The following ADAM22 variants were observed in gnomAD, a reference collection of about 807,000 sequenced individuals.
ADAM22 encodes the protein ADAM metallopeptidase domain 22, also known as disintegrin and metalloproteinase domain-containing protein 22.
In ADAM22, 65 loss-of-function variants were observed where a neutral mutation model predicts 144.6. That is an observed-to-expected ratio of 0.45 (90% CI 0.37 to 0.55). The LOEUF is 0.55. ADAM22 is among the 20% of genes least tolerant of loss of function. ADAM22 has a pLI of 0.00. For missense variants in ADAM22, 974 were observed against 1,184.9 expected (o/e 0.82, Z 2.61); for synonymous variants, 391 against 412.6 (o/e 0.95, Z 0.63).
chr7:87,969,363 G>A (rs1405596121), intron 2 of ADAM22, among the ~76,000 whole-genome samples: 1 of 152,046 alleles, frequency 6.6e-6, no homozygotes, highest in Non-Finnish European at 1.5e-5. Flanking sequence ...TGCATTCCTC[G>A]GTATCCCTAC....
rs531995119 is a variant in ADAM22 at position 88,105,074 on chromosome 7, TATAAC to T, written c.391-3099_391-3095del. Among the ~76,000 whole-genome samples, 358 of 152,346 alleles carry T rather than the reference TATAAC, an allele frequency of 2.3e-3. 2 individuals carry two copies. The highest frequency in any genetic ancestry group is 8.1e-3 in the African/African-American group (336 of 41,586). On this transcript the variant is annotated intron_variant, in intron 4 of 31. Transcript: ENST00000413139. ...ATTATTTGTCCTTTTTATGATTTAA[TATAAC>T]ATGTTTCCAGAGTTGCGTTTTTGAA...
intron 3 of ADAM22, among the ~76,000 whole-genome samples, chr7:87,990,645 G>T (rs150163350): frequency 1.3e-4 from 20 of 151,860 alleles, no homozygotes; most frequent in African/African-American, 4.6e-4. Flanking sequence ...TAAACAAAAG[G>T]TACATTTATT....
At chr7:88,079,392 A>C (rs1469837558) in intron 4 of ADAM22, among the ~76,000 whole-genome samples, 1 of 152,252 alleles carries the variant, frequency 6.6e-6, no homozygotes, top group African/African-American at 2.4e-5. Flanking sequence ...CTGCAAAAAC[A>C]TGCCAAATTG....
At position 88,168,218 on chromosome 7, in the gene ADAM22, G is replaced by A; in HGVS notation, c.2273G>A (p.Trp758Ter). The change falls in exon 25 of 32, where the codon TGG (tryptophan) becomes TAG (stop). Residue 758 changes from tryptophan to a stop codon, truncating the protein, a stop_gained. Coordinates refer to ENST00000413139, the MANE Select transcript of ADAM22 (RefSeq NM_001324418.2). LOFTEE classifies it high-confidence loss of function. ...GCCCTCATATTAGGAATAACTGCGT[G>A]GGGTTATAAGTAAGTGAAATGTCTC... ...VLALILGITA[W>*]GYKNYREQRQ... 1 of 1,612,648 alleles carries A rather than the reference G, an allele frequency of 6.2e-7. No individual in the cohort carries two copies. The highest frequency in any genetic ancestry group is 8.5e-7 in the Non-Finnish European group (1 of 1,179,092).
At chr7:88,057,083 G>A (rs540579554) in intron 3 of ADAM22, among the ~76,000 whole-genome samples, 9 of 152,068 alleles carry the variant, frequency 5.9e-5, no homozygotes, top group Admixed American at 3.3e-4. Context: ...TTGAGGGTAG[G>A]GCAGGTAGGA....
intron 3 of ADAM22, among the ~76,000 whole-genome samples, chr7:88,026,027 T>C (rs1187288831): frequency 2.0e-5 from 3 of 152,206 alleles, no homozygotes; most frequent in Non-Finnish European, 2.9e-5. Context: ...TGACAAATGT[T>C]TTATACTTTT....
chr7:87,943,772 C>T (rs1342141734), intron 2 of ADAM22, among the ~76,000 whole-genome samples: 1 of 152,176 alleles, frequency 6.6e-6, no homozygotes, highest in African/African-American at 2.4e-5. Context: ...CTCCCCTACC[C>T]CTAAATATGC....
chr7:88,160,882 T>C (rs1297190259), intron 22 of ADAM22, among the ~76,000 whole-genome samples: 4 of 151,882 alleles, frequency 2.6e-5, no homozygotes, highest in Admixed American at 2.6e-4. Context: ...CCAAACACCG[T>C]GTGTTCTCAC....
rs77166772 is a variant in ADAM22, at chr7:87,941,779, G to A, written c.246+6593G>A. The stretch of plus-strand genomic sequence containing the variant: ...TAAAATTCTACCTAATGAGGTTATG[G>A]TGCACAGAAGGAATCAGTCTTTCAT... On this transcript the variant is annotated intron_variant, in intron 2 of 31. Transcript: ENST00000413139. Among the ~76,000 whole-genome samples, 13 of 152,186 alleles carry A rather than the reference G, an allele frequency of 8.5e-5. No homozygotes were observed. In the East Asian group the frequency reaches 2.5e-3, roughly 29 times the overall value.
At chr7:87,972,646 A>G (rs1267138098) in intron 2 of ADAM22, among the ~76,000 whole-genome samples, 6 of 152,198 alleles carry the variant, frequency 3.9e-5, no homozygotes, top group African/African-American at 1.4e-4. Flanking sequence ...AGCCAAAAGA[A>G]CAAAGCCAGA....
intron 4 of ADAM22, among the ~76,000 whole-genome samples, chr7:88,094,281 G>A (rs927816448): frequency 2.0e-5 from 3 of 152,172 alleles, no homozygotes; most frequent in Admixed American, 6.5e-5. Flanking sequence ...GTTGGTCAGG[G>A]AAGACTTTCT....
intron 21 of ADAM22, among the ~76,000 whole-genome samples, chr7:88,153,648 C>G (rs1839093298): frequency 6.6e-6 from 1 of 152,182 alleles, no homozygotes; most frequent in Non-Finnish European, 1.5e-5. Flanking sequence ...ATTGAATTAA[C>G]TGGCTCTAAC....
At chr7:88,093,693 C>T (rs1820531263) in intron 4 of ADAM22, among the ~76,000 whole-genome samples, 1 of 152,006 alleles carries the variant, frequency 6.6e-6, no homozygotes, top group Non-Finnish European at 1.5e-5. Flanking sequence ...ACTACAGGTG[C>T]ATGTCATCAT....
At chr7:88,145,331 G>T in intron 16 of ADAM22, 84 bp from the exon 17 acceptor site, 2 of 1,490,458 alleles carry the variant, frequency 1.3e-6, no homozygotes, top group South Asian at 2.4e-5. Context: ...TTGTGAGTTT[G>T]TACATTTATT....
At position 88,145,434 on chromosome 7, in the gene ADAM22, C is replaced by G. The variant is rs982011529; in HGVS notation, c.1412C>G (p.Ala471Gly). The change falls in exon 17 of 32, where the codon GCA becomes GGA. Residue 471 changes from alanine to glycine, a missense_variant. By Grantham distance (60) the Ala-to-Gly change is moderately conservative. This residue lies in a region of ADAM22 where 734 missense variants were observed against 950.6 expected (regional missense o/e 0.77). Coordinates refer to ENST00000413139, the MANE Select transcript of ADAM22 (RefSeq NM_001324418.2). ...GTPAECVLEG[A>G]ECCKKCTLTQ... ...CCTTAGGAATGTGTCCTTGAAGGAG[C>G]AGAGTGTTGTAAGAAATGCACCTTG... The G allele has an allele frequency of 2.5e-6, 4 of 1,613,284 alleles. No homozygotes were observed. The highest frequency in any genetic ancestry group is 3.4e-6 in the Non-Finnish European group (4 of 1,179,530).
intron 23 of ADAM22, among the ~76,000 whole-genome samples, chr7:88,164,497 T>A (rs1252752517): frequency 1.3e-5 from 2 of 152,048 alleles, no homozygotes; most frequent in East Asian, 3.9e-4. Flanking sequence ...GAAAAATTAA[T>A]ACAAGTAAAT....
intron 2 of ADAM22, among the ~76,000 whole-genome samples, chr7:87,941,413 T>C (rs1842451984): frequency 6.6e-6 from 1 of 152,190 alleles, no homozygotes; most frequent in African/African-American, 2.4e-5. Context: ...GTCAGCTTGA[T>C]GGTAAATTGT....
chr7:87,973,892 A>G (rs1851173718), intron 2 of ADAM22, among the ~76,000 whole-genome samples: 1 of 152,006 alleles, frequency 6.6e-6, no homozygotes, highest in Non-Finnish European at 1.5e-5. Flanking sequence ...GAACAATGAG[A>G]ACACATGAAC....
intron 6 of ADAM22, 152 bp downstream of exon 6, chr7:88,114,799 G>A (rs1207495672): frequency 1.2e-5 from 8 of 663,632 alleles, no homozygotes; most frequent in South Asian, 2.1e-5. Flanking sequence ...ACTTATGATG[G>A]GTCTATGTCC....
Sources: allele counts gnomAD v4.1 joint callset (sites outside exome capture counted in the v4.1 genomes callset), GRCh38; gene constraint gnomAD v4.1.1; regional missense constraint gnomAD v4.1.1; transcripts MANE v1.5; gene names NCBI Gene and HGNC (gene_info 2026-07-23, HGNC 2026-07-21).